Variants in CXXC5 observed in about 807,000 individuals in gnomAD.
The protein encoded by CXXC5 is CXXC finger protein 5.
CXXC5 carries 2 observed loss-of-function variants against 17.6 expected under a neutral mutation model. The observed-to-expected ratio is 0.11, with a 90% CI of 0.05 to 0.36. CXXC5 has a LOEUF of 0.36. Among genes scored for constraint, CXXC5 ranks in the 10% least tolerant of loss-of-function variants. The pLI is 1.00. For synonymous variants in CXXC5, 171 were observed against 193.0 expected, an observed-to-expected ratio of 0.89 and a Z score of 0.94; for missense variants, 343 against 458.3, an observed-to-expected ratio of 0.75 and a Z score of 2.30.
chr5:139,654,089 C>A (rs900716920), intron 1 of CXXC5, among the ~76,000 whole-genome samples: 8 of 152,188 alleles, frequency 5.3e-5, no homozygotes, highest in African/African-American at 1.9e-4. Flanking sequence ...AGCCAGGACC[C>A]TAGCTTGTAC....
intron 1 of CXXC5, among the ~76,000 whole-genome samples, chr5:139,659,077 G>C (rs188641451): frequency 6.6e-6 from 1 of 152,290 alleles, no homozygotes; most frequent in Admixed American, 6.5e-5. Flanking sequence ...GGCTCTCTGG[G>C]CTCTCCCTGA....
At chr5:139,659,124 C>G (rs541993739) in intron 1 of CXXC5, among the ~76,000 whole-genome samples, 3 of 152,176 alleles carry the variant, frequency 2.0e-5, no homozygotes, top group Non-Finnish European at 2.9e-5. Context: ...AGGTGGTTAC[C>G]CATGAGGTCA....
intron 1 of CXXC5, among the ~76,000 whole-genome samples, chr5:139,671,547 G>A (rs1448926593): frequency 2.6e-5 from 4 of 152,132 alleles, no homozygotes; most frequent in African/African-American, 4.8e-5. Context: ...GCCTCTGTGC[G>A]GCCGGCTGGG....
chr5:139,668,375 G>A lies in CXXC5; in HGVS notation c.-160-11989G>A, dbSNP rs1033570750. Among the ~76,000 whole-genome samples, 5 of 152,026 alleles carry A rather than the reference G, an allele frequency of 3.3e-5. No individual in the cohort carries two copies. The highest frequency in any genetic ancestry group is 4.8e-5 in the African/African-American group (2 of 41,422). On this transcript the variant is annotated intron_variant, in intron 1 of 2. Coordinates refer to ENST00000302517, the MANE Select transcript of CXXC5 (RefSeq NM_016463.9). This position sits in a 1 kb window ranked among gnomAD's most constrained non-coding sequence, Gnocchi z 4.1. ...GCTCCCTGCCGCCTCCCAGCCGGACGCGGACGTGCCTGCGCGGCTCTGGCG... is the reference window on the plus strand; with the variant it reads ...GCTCCCTGCCGCCTCCCAGCCGGACACGGACGTGCCTGCGCGGCTCTGGCG...
chr5:139,651,522 C>T (rs1207279238), intron 1 of CXXC5, among the ~76,000 whole-genome samples: 1 of 152,206 alleles, frequency 6.6e-6, no homozygotes, highest in African/African-American at 2.4e-5. Flanking sequence ...CTCTGCCTGC[C>T]TCCTACTCAT....
Position 139,670,440 on chromosome 5 carries a change from G to A in CXXC5, c.-160-9924G>A. Among the ~76,000 whole-genome samples the A allele has an allele frequency of 6.6e-6, 1 of 152,142 alleles. No homozygotes were observed. The highest frequency in any genetic ancestry group is 1.5e-5 in the Non-Finnish European group (1 of 68,016). On this transcript the variant is annotated intron_variant, in intron 1 of 2. Transcript: ENST00000302517. This position sits in a 1 kb window ranked among gnomAD's most constrained non-coding sequence, Gnocchi z 4.2. Reference sequence around the variant, plus strand: ...GGAACCAGCCCCCACCACAGCCCAGGTGCACCTGTGGGCAGCTTCCTGTTT... The same window carrying A: ...GGAACCAGCCCCCACCACAGCCCAGATGCACCTGTGGGCAGCTTCCTGTTT...
intron 1 of CXXC5, among the ~76,000 whole-genome samples, chr5:139,672,160 C>T (rs1379809212): frequency 1.3e-5 from 2 of 152,076 alleles, no homozygotes; most frequent in Admixed American, 6.6e-5. Context: ...TCTTGTTGCC[C>T]AGGCTGGAGT....
intron 1 of CXXC5, among the ~76,000 whole-genome samples, chr5:139,662,744 C>T (rs1013249576): frequency 5.9e-5 from 9 of 152,196 alleles, no homozygotes; most frequent in East Asian, 1.9e-4. Context: ...ATGCCCGTGC[C>T]GCGGACTCTG....
Position 139,680,892 on chromosome 5 carries a change from G to T in CXXC5, c.369G>T (p.Ala123=). 6.2e-7 allele frequency: 1 copy of T among 1,605,382 alleles called. No individual in the cohort carries two copies. The highest frequency in any genetic ancestry group is 8.5e-7 in the Non-Finnish European group (1 of 1,179,964). ...TGGCCAATGGGCATGACCTGGCGGC[G>T]GCCATGGCGGTGGACAAAAGCAACC... The part of the protein sequence containing the change: ...SLLANGHDLA[A]AMAVDKSNPT... The change falls in exon 2 of 3, where the codon GCG becomes GCT. Residue 123 remains alanine, a synonymous_variant. Transcript: ENST00000302517.
At chr5:139,675,447 C>T (rs1393814754) in intron 1 of CXXC5, 1 of 152,190 alleles carries the variant, frequency 6.6e-6, no homozygotes, top group Non-Finnish European at 1.5e-5. Flanking sequence ...CTTAGCATTC[C>T]AGGCCCTGGG....
intron 1 of CXXC5, among the ~76,000 whole-genome samples, chr5:139,662,942 A>T (rs180961362): frequency 6.6e-6 from 1 of 152,042 alleles, no homozygotes; most frequent in Admixed American, 6.5e-5. Context: ...TCATTATGTC[A>T]CCTGGATCTC....
chr5:139,649,182 C>G (rs927569964), intron 1 of CXXC5: 3 of 152,312 alleles, frequency 2.0e-5, no homozygotes, highest in African/African-American at 7.2e-5. Flanking sequence ...TCGCAGATCA[C>G]TGAGTTCAGA....
In CXXC5 at chr5:139,681,256, A is replaced by G. The variant is rs773769156; in HGVS notation, c.733A>G (p.Met245Val). The G allele has an allele frequency of 8.7e-6, 14 of 1,612,138 alleles. No homozygotes were observed. The highest frequency in any genetic ancestry group is 5.0e-5 in the Admixed American group (3 of 59,960). Reference sequence around the variant, plus strand: ...CATGGCGGGCCTGGCTGAGTACCCCATGCAGGGAGAGCTGGCCTCTGCCAT... The same window carrying G: ...CATGGCGGGCCTGGCTGAGTACCCCGTGCAGGGAGAGCTGGCCTCTGCCAT... ...LHMAGLAEYP[M>V]QGELASAISS... The change falls in exon 2 of 3, where the codon ATG (methionine) becomes GTG (valine). Residue 245 changes from methionine to valine, a missense_variant. Physicochemically the swap from Met to Val is conservative, Grantham distance 21 (BLOSUM62 1). Transcript: ENST00000302517.
intron 1 of CXXC5, among the ~76,000 whole-genome samples, chr5:139,665,392 G>A (rs1756054462): frequency 6.6e-6 from 1 of 152,224 alleles, no homozygotes; most frequent in South Asian, 2.1e-4. Context: ...CCGGCCATGG[G>A]TCTCCCAGAG....
chr5:139,669,838 C>T (rs1756350415), intron 1 of CXXC5, among the ~76,000 whole-genome samples: 1 of 152,214 alleles, frequency 6.6e-6, no homozygotes, highest in Admixed American at 6.5e-5. Flanking sequence ...CCCACTGCTG[C>T]CTCCTGTGCC....
At chr5:139,678,731 G>T (rs530731577) in intron 1 of CXXC5, among the ~76,000 whole-genome samples, 2 of 152,298 alleles carry the variant, frequency 1.3e-5, no homozygotes, top group Admixed American at 6.5e-5. Flanking sequence ...TGACTAGGGG[G>T]GTTTTGGGGT....
chr5:139,665,083 C>T (rs988649609), intron 1 of CXXC5, among the ~76,000 whole-genome samples: 1 of 152,244 alleles, frequency 6.6e-6, no homozygotes, highest in Non-Finnish European at 1.5e-5. Context: ...CTGGCTCAGC[C>T]AGCTTGGCCA....
At chr5:139,681,561 C>G (rs997298453) in intron 2 of CXXC5, 114 bp downstream of exon 2, 1 of 1,305,164 alleles carries the variant, frequency 7.7e-7, no homozygotes, top group Non-Finnish European at 1.0e-6. Context: ...GGGGGATGCC[C>G]CCTCCCAGTC....
intron 1 of CXXC5, among the ~76,000 whole-genome samples, chr5:139,664,808 C>T (rs1178944132): frequency 6.6e-6 from 1 of 152,204 alleles, no homozygotes; most frequent in African/African-American, 2.4e-5. Flanking sequence ...GCCTCACCTC[C>T]ACTGTCCACA....
Sources: gnomAD v4.1 joint callset for allele counts (sites outside exome capture counted in the v4.1 genomes callset) on GRCh38, gnomAD v4.1.1 for gene constraint, Gnocchi (gnomAD v3.1) non-coding constraint, MANE v1.5 for transcripts, NCBI Gene and HGNC (gene_info 2026-07-23, HGNC 2026-07-21) for gene names.